The following ZCCHC2 variants were observed in gnomAD, a reference collection of about 807,000 sequenced individuals.
ZCCHC2 encodes zinc finger CCHC domain-containing protein 2.
Under a neutral mutation model 103.6 loss-of-function variants are expected in ZCCHC2, and 39 were observed. The ratio of observed to expected loss-of-function variants is 0.38; its 90% CI spans 0.29 to 0.49. The LOEUF is 0.49. Ranked by LOEUF, ZCCHC2 falls within the 20% of genes least tolerant of loss-of-function variation. The probability of loss-of-function intolerance (pLI) is 0.96; values close to 1 mark genes in which losing one functional copy is unlikely to be tolerated. For synonymous variants in ZCCHC2, 687 were observed against 608.9 expected (o/e 1.13, Z -1.89); for missense variants, 1,483 against 1,491.0 (o/e 0.99, Z 0.09).
At chr18:62,548,432 C>T (rs1182413334) in intron 4 of ZCCHC2, among the ~76,000 whole-genome samples, 1 of 152,108 alleles carries the variant, frequency 6.6e-6, no homozygotes, top group African/African-American at 2.4e-5. Context: ...ACGCTGTTGC[C>T]TTCAGTGTTT....
intron 1 of ZCCHC2, among the ~76,000 whole-genome samples, chr18:62,532,542 A>G (rs1184101715): frequency 1.3e-5 from 2 of 152,120 alleles, no homozygotes; most frequent in East Asian, 3.8e-4. Context: ...TTTAGACTCA[A>G]AATCTCCTCC....
chr18:62,565,003 G>C lies in ZCCHC2; in HGVS notation c.1753G>C (p.Glu585Gln), dbSNP rs755074405. The C allele has an allele frequency of 6.2e-7, 1 of 1,607,706 alleles. No individual in the cohort carries two copies. The highest frequency in any genetic ancestry group is 1.3e-5 in the African/African-American group (1 of 74,880). The part of the protein sequence containing the change: ...KKKGKPQTEK[E>Q]KIKKTDNRLN... ...TGGCAATATGTTCATTTGGTTTAGG[G>C]AGAAAATTAAGAAAACTGACAACAG... The change falls in exon 11 of 14, where the codon GAG becomes CAG. Residue 585 changes from glutamate (E) to glutamine (Q), a missense_variant and splice_region_variant. Glu to Gln is a conservative substitution (Grantham distance 29). Transcript: ENST00000269499.
intron 11 of ZCCHC2, among the ~76,000 whole-genome samples, chr18:62,567,803 G>C (rs1313781051): frequency 6.6e-6 from 1 of 151,856 alleles, no homozygotes; most frequent in East Asian, 1.9e-4. Flanking sequence ...AAATTAGCCA[G>C]ATGTGGTGGT....
intron 13 of ZCCHC2, 144 bp downstream of exon 13, chr18:62,575,694 A>G: frequency 9.5e-7 from 1 of 1,053,176 alleles, no homozygotes; most frequent in Non-Finnish European, 1.3e-6. Context: ...CAGATCATAA[A>G]ATGCAACTGG....
Position 62,575,247 on chromosome 18 carries a change from A to G in ZCCHC2, c.3166A>G (p.Asn1056Asp). 6.2e-7 allele frequency: 1 copy of G among 1,614,014 alleles called. No individual in the cohort carries two copies. The highest frequency in any genetic ancestry group is 2.2e-5 in the East Asian group (1 of 44,876). ...PSFFTLPSIC[N>D]GSYLNQAHQS... ...ATTCTTTACTCTGCCATCCATTTGC[A>G]ATGGCAGCTACCTCAACCAAGCACA... The change falls in exon 13 of 14, where the codon AAT (asparagine) becomes GAT (aspartate). Residue 1056 changes from asparagine (N) to aspartate (D), a missense_variant. Asn to Asp is a conservative substitution (Grantham distance 23). Coordinates refer to ENST00000269499, the MANE Select transcript of ZCCHC2 (RefSeq NM_017742.6).
rs11320033 is a variant in ZCCHC2 at position 62,577,751 on chromosome 18, TAA to T, written c.*1185_*1186del. The T allele has an allele frequency of 0.3, 44,705 of 150,556 alleles. 7,580 individuals are homozygous for T. The highest frequency in any genetic ancestry group is 0.75 in the East Asian group (3,849 of 5,120). The allele number at this position is 150,556 out of a possible 1,614,324, so 9.3% of individuals were successfully genotyped here. On this transcript the variant is annotated 3_prime_UTR_variant, in exon 14 of 14. Transcript: ENST00000269499. The stretch of plus-strand genomic sequence containing the variant: ...TCACTAAGTTTAATGCTGCTGTTTT[TAA>T]AAAAAAAAAAAAGTTTTTTTAAAAA...
intron 1 of ZCCHC2, among the ~76,000 whole-genome samples, chr18:62,536,170 A>T (rs1914912344): frequency 6.6e-6 from 1 of 152,168 alleles, no homozygotes; most frequent in Admixed American, 6.5e-5. Context: ...TCTACGTGTG[A>T]TCTGTGGCAA....
intron 4 of ZCCHC2, among the ~76,000 whole-genome samples, chr18:62,549,081 AG>A (rs1211606401): frequency 1.7e-5 from 2 of 118,196 alleles, no homozygotes; most frequent in Admixed American, 9.2e-5. Flanking sequence ...TAGCTGGGGG[AG>A]GGGGCGGGTG....
intron 5 of ZCCHC2, among the ~76,000 whole-genome samples, chr18:62,550,720 T>C (rs1915628670): frequency 6.6e-6 from 1 of 152,252 alleles, no homozygotes; most frequent in Non-Finnish European, 1.5e-5. Flanking sequence ...AAGGCTCTTA[T>C]ATTCTTTATA....
chr18:62,523,842 A>C lies in ZCCHC2; in HGVS notation c.418A>C (p.Lys140Gln). 6.5e-7 allele frequency: 1 copy of C among 1,544,724 alleles called. No homozygotes were observed. Among genetic ancestry groups the C allele is most frequent in the Non-Finnish European group, 8.7e-7 (1 of 1,146,252 alleles). Reference protein sequence around the residue: ...LGSCLEDLARKDYHYLRDSEA... With the variant: ...LGSCLEDLARQDYHYLRDSEA... ...CTCGTGCCTGGAGGACCTGGCGCGC[A>C]AGGACTACCACTACCTGCGCGACTC... The change falls in exon 1 of 14, where the codon AAG becomes CAG. Residue 140 changes from lysine (K) to glutamine (Q), a missense_variant. Physicochemically the swap from Lys to Gln is moderately conservative, Grantham distance 53. This residue lies in a region of ZCCHC2 where 568 missense variants were observed against 525.1 expected (regional missense o/e 1.08). Coordinates refer to ENST00000269499, the MANE Select transcript of ZCCHC2 (RefSeq NM_017742.6).
rs190213899 is a variant in ZCCHC2 at position 62,556,312 on chromosome 18, T to C, written c.1408+15T>C. 5.6e-3 allele frequency: 8,648 copies of C among 1,554,584 alleles called. 32 individuals carry two copies. Among genetic ancestry groups the C allele is most frequent in the Non-Finnish European group, 6.9e-3 (7,892 of 1,145,474 alleles). ...ACACAGTATCAGTAAGCATCCTCTG[T>C]CCCTCTGTGGAAATCTTTTTTCTTT... On this transcript the variant is annotated intron_variant, in intron 6 of 13. Transcript: ENST00000269499.
intron 8 of ZCCHC2, among the ~76,000 whole-genome samples, chr18:62,561,462 G>A (rs962982892): frequency 5.3e-5 from 8 of 152,166 alleles, no homozygotes; most frequent in African/African-American, 1.2e-4. Context: ...AGTATGAGCC[G>A]TGACTTTCCA....
At chr18:62,526,854 G>T (rs1044468000) in intron 1 of ZCCHC2, 6 of 151,512 alleles carry the variant, frequency 4.0e-5, no homozygotes, top group Non-Finnish European at 8.8e-5. Context: ...CGCCGGCCCC[G>T]CCCCCGGCGC....
At chr18:62,573,207 C>G (rs1916659272) in intron 12 of ZCCHC2, among the ~76,000 whole-genome samples, 1 of 152,094 alleles carries the variant, frequency 6.6e-6, no homozygotes, top group African/African-American at 2.4e-5. Context: ...TAAATAGGCA[C>G]TACATTTTAA....
Position 62,574,872 on chromosome 18 carries a change from C to T in ZCCHC2, c.2791C>T (p.Gln931Ter). ...CCTTGCTGCCGGCGTGTTACCCAGC[C>T]AGAACTCCAGTGTGCTCAGCACAGC... Reference protein sequence around the residue: ...SPLAAGVLPSQNSSVLSTAAT... With the variant: ...SPLAAGVLPS Residue 931 changes from glutamine (Q) to a stop codon, truncating the protein, a stop_gained, in exon 13 of 14, where the codon CAG becomes TAG. Coordinates refer to ENST00000269499, the MANE Select transcript of ZCCHC2 (RefSeq NM_017742.6). LOFTEE classifies it high-confidence loss of function. 6.2e-7 allele frequency: 1 copy of T among 1,613,888 alleles called. No individual in the cohort carries two copies. Among genetic ancestry groups the T allele is most frequent in the Non-Finnish European group, 8.5e-7 (1 of 1,179,898 alleles).
At chr18:62,580,561 T>C (rs12232699), downstream of ZCCHC2, among the ~76,000 whole-genome samples, 22,743 of 57,136 alleles carry the variant, frequency 0.4, 5,817 homozygotes, top group East Asian at 0.81. Flanking sequence ...GGTGTCACAG[T>C]GCTGTGGAAG....
chr18:62,566,599 CTT>C (rs376969781), intron 11 of ZCCHC2, among the ~76,000 whole-genome samples: 24 of 152,330 alleles, frequency 1.6e-4, no homozygotes, highest in African/African-American at 4.1e-4. Flanking sequence ...CACTCTGTCT[CTT>C]GTCTCACAGT....
intron 6 of ZCCHC2, 157 bp from the exon 7 acceptor site, chr18:62,558,530 T>A (rs1915985285): frequency 2.2e-6 from 1 of 453,152 alleles, no homozygotes; most frequent in Non-Finnish European, 4.0e-6. Context: ...CACAGTCTAG[T>A]GCTTTGGGCT....
At chr18:62,566,776 A>G (rs1916385854) in intron 11 of ZCCHC2, among the ~76,000 whole-genome samples, 2 of 152,238 alleles carry the variant, frequency 1.3e-5, no homozygotes, top group South Asian at 4.1e-4. Context: ...TTGTTTGCTC[A>G]TTTGTAAAAC....
Sources: allele counts gnomAD v4.1 joint callset (sites outside exome capture counted in the v4.1 genomes callset), GRCh38; gene constraint gnomAD v4.1.1; regional missense constraint gnomAD v4.1.1; transcripts MANE v1.5; gene names NCBI Gene and HGNC (gene_info 2026-07-23, HGNC 2026-07-21).